The following B3GALT2 variants were observed in gnomAD, a reference collection of about 807,000 sequenced individuals.
The protein encoded by B3GALT2 is beta-1,3-galactosyltransferase 2.
A neutral mutation model predicts 33.5 loss-of-function variants in B3GALT2; 13 were observed. The observed-to-expected ratio is 0.39, with a 90% CI of 0.25 to 0.62. B3GALT2 has a LOEUF of 0.62. Among genes scored for constraint, B3GALT2 ranks in the 20% least tolerant of loss-of-function variants. The probability of loss-of-function intolerance (pLI) is 0.53; values close to 1 mark genes in which losing one functional copy is unlikely to be tolerated. For synonymous variants in B3GALT2, 195 were observed against 172.7 expected (o/e 1.13, Z -1.01); for missense variants, 418 against 509.1 (o/e 0.82, Z 1.72).
Position 193,180,257 on chromosome 1 carries a change from A to G in B3GALT2, c.*37T>C. On this transcript the variant is annotated 3_prime_UTR_variant, in exon 2 of 2. Transcript: ENST00000367434. ...TCTAACTATACATGCTTTTAGCAATATTTACAAATTGCACATTTGAAAAAA... is the reference window on the plus strand; with the variant it reads ...TCTAACTATACATGCTTTTAGCAATGTTTACAAATTGCACATTTGAAAAAA... The G allele has an allele frequency of 6.6e-7, 1 of 1,507,250 alleles. No homozygotes were observed. Among genetic ancestry groups the G allele is most frequent in the Non-Finnish European group, 8.9e-7 (1 of 1,121,602 alleles). 93.4% of individuals were successfully genotyped at this position (1,507,250 alleles called of 1,614,324 possible).
rs1324036185 is a variant in B3GALT2 at position 193,180,970 on chromosome 1, T to G, written c.593A>C (p.Asn198Thr). 1 of 1,613,516 alleles carries G rather than the reference T, an allele frequency of 6.2e-7. No individual in the cohort carries two copies. The highest frequency in any genetic ancestry group is 1.1e-5 in the South Asian group (1 of 91,080). The change falls in exon 2 of 2, where the codon AAT becomes ACT. Residue 198 changes from asparagine (N) to threonine (T), a missense_variant. Coordinates refer to ENST00000367434, the MANE Select transcript of B3GALT2 (RefSeq NM_003783.3). Reference protein sequence around the residue: ...IFLLGLSIKLNGYLQRAILEE... With the variant: ...IFLLGLSIKLTGYLQRAILEE... ...CAGTATTGCACGTTGAAGGTAGCCA[T>G]TTAGCTTAATACTTAAGCCCAACAA...
Position 193,180,771 on chromosome 1 carries a change from A to G in B3GALT2, c.792T>C (p.Asn264=). Residue 264 remains asparagine, a synonymous_variant, in exon 2 of 2, where the codon AAT becomes AAC. Transcript: ENST00000367434. ...GAGGCAGATCTGGCTTCAGTAACTT[A>G]TTGATTAAATATTCAGTGTTGACAA... is the stretch of plus-strand genomic sequence containing the variant. ...DMFVNTEYLI[N]KLLKPDLPPR... The G allele has an allele frequency of 6.2e-7, 1 of 1,614,048 alleles. No individual in the cohort carries two copies. Among genetic ancestry groups the G allele is most frequent in the Non-Finnish European group, 8.5e-7 (1 of 1,179,938 alleles).
At chr1:193,182,864 C>A (rs183533654) in intron 1 of B3GALT2, among the ~76,000 whole-genome samples, 119 of 152,016 alleles carry the variant, frequency 7.8e-4, no homozygotes, top group African/African-American at 2.7e-3. Context: ...AACTTTTTGA[C>A]AAGGAGTGAT....
At chr1:193,185,059 T>C (rs528014846) in intron 1 of B3GALT2, among the ~76,000 whole-genome samples, 40 of 152,190 alleles carry the variant, frequency 2.6e-4, no homozygotes, top group Admixed American at 2.4e-3. Flanking sequence ...CACACACATA[T>C]AGTGGCGGTA....
At chr1:193,184,252 T>G (rs890636329) in intron 1 of B3GALT2, among the ~76,000 whole-genome samples, 1 of 151,916 alleles carries the variant, frequency 6.6e-6, no homozygotes, top group East Asian at 1.9e-4. Context: ...AAATTCCTTA[T>G]TAAAAGATTC....
rs751795541 is a variant in B3GALT2 at position 193,180,972 on chromosome 1, T to A, written c.591A>T (p.Leu197=). ...GTATTGCACGTTGAAGGTAGCCATTTAGCTTAATACTTAAGCCCAACAAAA... is the reference window on the plus strand; with the variant it reads ...GTATTGCACGTTGAAGGTAGCCATTAAGCTTAATACTTAAGCCCAACAAAA... ...RIFLLGLSIK[L]NGYLQRAILE... The change falls in exon 2 of 2, where the codon CTA becomes CTT. Residue 197 remains leucine (L), a synonymous_variant. Transcript: ENST00000367434. 1 of 1,613,508 alleles carries A rather than the reference T, an allele frequency of 6.2e-7. No homozygotes were observed. Among genetic ancestry groups the A allele is most frequent in the South Asian group, 1.1e-5 (1 of 91,082 alleles).
At chr1:193,183,758 T>C (rs1411356724) in intron 1 of B3GALT2, among the ~76,000 whole-genome samples, 1 of 151,884 alleles carries the variant, frequency 6.6e-6, no homozygotes, top group Non-Finnish European at 1.5e-5. Context: ...CTTTTAAAAT[T>C]TATTTGATAA....
chr1:193,185,076 T>C (rs1395943323), intron 1 of B3GALT2, among the ~76,000 whole-genome samples: 1 of 152,084 alleles, frequency 6.6e-6, no homozygotes, highest in East Asian at 1.9e-4. Context: ...GGTAGTTCAT[T>C]ACTGCATATT....
chr1:193,183,679 C>T (rs1249941462), intron 1 of B3GALT2, among the ~76,000 whole-genome samples: 5 of 151,332 alleles, frequency 3.3e-5, no homozygotes, highest in Admixed American at 2.0e-4. Context: ...AATGACTCTC[C>T]GCTCCACTTC....
intron 1 of B3GALT2, among the ~76,000 whole-genome samples, chr1:193,185,635 A>G (rs1459666131): frequency 2.6e-5 from 4 of 152,084 alleles, no homozygotes; most frequent in Non-Finnish European, 4.4e-5. Context: ...TTTGATAGCC[A>G]TTTTTAAGAG....
chr1:193,183,060 G>A (rs945536104), intron 1 of B3GALT2, among the ~76,000 whole-genome samples: 2 of 151,638 alleles, frequency 1.3e-5, no homozygotes, highest in African/African-American at 2.4e-5. Context: ...GTTTAACCTT[G>A]GCATAAATTT....
In B3GALT2 at chr1:193,180,528, C is replaced by G; in HGVS notation, c.1035G>C (p.Gly345=). 6.2e-7 allele frequency: 1 copy of G among 1,613,992 alleles called. No individual in the cohort carries two copies. The highest frequency in any genetic ancestry group is 1.1e-5 in the South Asian group (1 of 91,062). Residue 345 remains glycine, a synonymous_variant, in exon 2 of 2, where the codon GGG becomes GGC. Transcript: ENST00000367434. ...CAATTCTCAACTTGGCAAGACAGAT[C>G]CCTACATATACATCTTCCAAGTGCA... ...RRLHLEDVYV[G]ICLAKLRIDP...
chr1:193,185,734 T>A (rs1676795347), intron 1 of B3GALT2, among the ~76,000 whole-genome samples: 1 of 152,170 alleles, frequency 6.6e-6, no homozygotes, highest in Non-Finnish European at 1.5e-5. Flanking sequence ...GATTTTTTTT[T>A]AAGTTTAATT....
chr1:193,183,525 C>A (rs1344271491), intron 1 of B3GALT2, among the ~76,000 whole-genome samples: 2 of 150,660 alleles, frequency 1.3e-5, no homozygotes, highest in Non-Finnish European at 3.0e-5. Flanking sequence ...CTGCTGTAAG[C>A]TAAGCTGAAA....
intron 1 of B3GALT2, among the ~76,000 whole-genome samples, 200 bp from the exon 2 acceptor site, chr1:193,181,882 G>A (rs1040096688): frequency 3.3e-5 from 5 of 152,092 alleles, no homozygotes; most frequent in African/African-American, 1.2e-4. Flanking sequence ...AGCACAGTGA[G>A]CATTTTAAAG....
intron 1 of B3GALT2, among the ~76,000 whole-genome samples, chr1:193,185,086 T>C (rs1452663185): frequency 6.6e-6 from 1 of 152,084 alleles, no homozygotes. Flanking sequence ...TACTGCATAT[T>C]AATATAGCCT....
At position 193,180,483 on chromosome 1, in the gene B3GALT2, A is replaced by T. The variant is rs370436125; in HGVS notation, c.1080T>A (p.Asn360Lys). ...CTCGCCAGTGATTGAACACAAACTC[A>T]TTGGGAGGGGGTACAGGATCAATTC... is the stretch of plus-strand genomic sequence containing the variant. ...KLRIDPVPPPNEFVFNHWRVS... is the reference protein window; with the variant it reads ...KLRIDPVPPPKEFVFNHWRVS... The change falls in exon 2 of 2, where the codon AAT becomes AAA. Residue 360 changes from asparagine (N) to lysine (K), a missense_variant. This residue lies in a region of B3GALT2 where 226 missense variants were observed against 293.9 expected (regional missense o/e 0.77). Coordinates refer to ENST00000367434, the MANE Select transcript of B3GALT2 (RefSeq NM_003783.3). 2 of 1,613,912 alleles carry T rather than the reference A, an allele frequency of 1.2e-6. No homozygotes were observed. The highest frequency in any genetic ancestry group is 1.3e-5 in the African/African-American group (1 of 75,050).
Position 193,180,444 on chromosome 1 carries a change from G to A in B3GALT2, c.1119C>T (p.Ser373=), listed in dbSNP as rs1458858365. The A allele has an allele frequency of 1.2e-6, 2 of 1,614,038 alleles. No individual in the cohort carries two copies. Among genetic ancestry groups the A allele is most frequent in the East Asian group, 2.2e-5 (1 of 44,880 alleles). Residue 373 remains serine, a synonymous_variant, in exon 2 of 2, where the codon AGC becomes AGT. Coordinates refer to ENST00000367434, the MANE Select transcript of B3GALT2 (RefSeq NM_003783.3). ...AGGTAATTAGGTGGCTGTATTTACA[G>A]CTCGAATAAGAGACTCGCCAGTGAT... ...VFNHWRVSYS[S]CKYSHLITSH...
intron 1 of B3GALT2, 99 bp downstream of exon 1, chr1:193,185,920 C>G (rs567896690): frequency 6.6e-6 from 1 of 152,226 alleles, no homozygotes; most frequent in South Asian, 2.1e-4. Context: ...GTTTCAAGGG[C>G]AGTGAGCTGT....
Sources: gnomAD v4.1 joint callset for allele counts (sites outside exome capture counted in the v4.1 genomes callset) on GRCh38, gnomAD v4.1.1 for gene constraint, gnomAD v4.1.1 regional missense constraint, MANE v1.5 for transcripts, NCBI Gene and HGNC (gene_info 2026-07-23, HGNC 2026-07-21) for gene names.